LARP1: variants seen among roughly 807,000 people sequenced by gnomAD.
The protein encoded by LARP1 is La ribonucleoprotein 1, translational regulator, also known as la-related protein 1.
In LARP1, 36 loss-of-function variants were observed where a neutral mutation model predicts 122.7. The observed-to-expected ratio is 0.29, with a 90% confidence interval of 0.22 to 0.39. LARP1 has a LOEUF of 0.39. Among genes scored for constraint, LARP1 ranks in the 10% least tolerant of loss-of-function variants. LARP1 has a pLI of 1.00. For synonymous variants in LARP1, 539 were observed against 528.7 expected, an observed-to-expected ratio of 1.02 and a Z score of -0.27; for missense variants, 1,040 against 1,403.6, an observed-to-expected ratio of 0.74 and a Z score of 4.14.
chr5:154,795,035 C>T (rs1757636683), intron 7 of LARP1, 140 bp from the exon 8 acceptor site: 1 of 775,174 alleles, frequency 1.3e-6, no homozygotes. Context: ...CAGCCCTCAA[C>T]ACTGTTGGTA....
At chr5:154,813,838 G>A (rs903036982) in intron 18 of LARP1, 49 bp from the exon 19 acceptor site, 2 of 1,517,228 alleles carry the variant, frequency 1.3e-6, no homozygotes, top group Non-Finnish European at 9.1e-7. Flanking sequence ...GCAAGGAAGA[G>A]GGCGTAGATA....
chr5:154,697,014 T>TA (rs1754497567), intron 1 of LARP1, among the ~76,000 whole-genome samples: 1 of 152,160 alleles, frequency 6.6e-6, no homozygotes, highest in African/African-American at 2.4e-5. Context: ...AGCAATCTGA[T>TA]ACGCATTTGT....
chr5:154,745,870 A>T (rs1471671931), intron 1 of LARP1, among the ~76,000 whole-genome samples: 1 of 150,470 alleles, frequency 6.6e-6, no homozygotes, highest in Non-Finnish European at 1.5e-5. Context: ...ATTTCAGATC[A>T]CTGCAACCTC....
rs147643833 is a variant in LARP1 at position 154,799,165 on chromosome 5, A to G, written c.1378-426A>G. Among the ~76,000 whole-genome samples the G allele has an allele frequency of 3.2e-3, 484 of 152,336 alleles. 2 individuals carry two copies. The highest frequency in any genetic ancestry group is 0.011 in the African/African-American group (456 of 41,580). On this transcript the variant is annotated intron_variant, in intron 8 of 18. Coordinates refer to ENST00000518297, the MANE Select transcript of LARP1 (RefSeq NM_033551.3). ...ACGTGAGCCACCAGGCCCGACCTGT[A>G]AAGTTTTTTAATGTCTGAGTAGTGT...
intron 9 of LARP1, 27 bp downstream of exon 9, chr5:154,799,786 C>T (rs1406329462): frequency 6.2e-7 from 1 of 1,613,194 alleles, no homozygotes; most frequent in East Asian, 2.2e-5. Flanking sequence ...ATGAAGATTG[C>T]CCTTGTCCTC....
intron 1 of LARP1, chr5:154,729,703 T>A (rs1233076): frequency 0.98 from 295,345 of 301,870 alleles, 144,504 homozygotes; most frequent in South Asian, 0.99. Flanking sequence ...AATAGGTATT[T>A]AAAAAATACC....
rs1306463485 is a variant in LARP1, at chr5:154,793,691, G to A, written c.836G>A (p.Arg279Lys). The A allele has an allele frequency of 1.2e-6, 2 of 1,614,152 alleles. No individual in the cohort carries two copies. Among genetic ancestry groups the A allele is most frequent in the Non-Finnish European group, 1.7e-6 (2 of 1,179,992 alleles). ...ASRPTRPPEP[R>K]HIPANRGEIK... ...CGCCCCACTCGCCCACCGGAGCCTA[G>A]ACACATACCTGCCAATCGCGGAGAG... Residue 279 changes from arginine (R) to lysine (K), a missense_variant, in exon 5 of 19, where the codon AGA (arginine) becomes AAA (lysine). This residue lies in a region of LARP1 where 178 missense variants were observed against 178.3 expected (regional missense o/e 1.00). Transcript: ENST00000518297.
chr5:154,700,123 T>G (rs548038365), intron 1 of LARP1, among the ~76,000 whole-genome samples: 7 of 152,254 alleles, frequency 4.6e-5, no homozygotes, highest in African/African-American at 1.2e-4. Flanking sequence ...GGCACAAAAT[T>G]TTGACAGGTG....
intron 1 of LARP1, among the ~76,000 whole-genome samples, chr5:154,701,128 G>A (rs1754692338): frequency 6.6e-6 from 1 of 152,156 alleles, no homozygotes; most frequent in East Asian, 1.9e-4. Context: ...GTTTTCTTTT[G>A]TTTTTTGTTT....
At chr5:154,792,831 G>T (rs1166630991) in intron 4 of LARP1, 35 bp downstream of exon 4, 5 of 1,605,120 alleles carry the variant, frequency 3.1e-6, no homozygotes, top group Non-Finnish European at 4.3e-6. Context: ...GGAGAAGGTG[G>T]CAGGGTAGAA....
intron 1 of LARP1, among the ~76,000 whole-genome samples, chr5:154,748,197 A>G (rs568230379): frequency 1.1e-3 from 168 of 152,282 alleles, no homozygotes; most frequent in African/African-American, 3.8e-3. Context: ...TATCATTTTC[A>G]AAAGATGTAT....
At position 154,743,203 on chromosome 5, in the gene LARP1, C is replaced by T. The variant is rs907494600; in HGVS notation, c.205+30073C>T. 7.9e-5 allele frequency among the ~76,000 whole-genome samples: 12 copies of T among 152,246 alleles called. No homozygotes were observed. The South Asian group carries it at 1.0e-3, about 13-fold the overall frequency. Reference sequence around the variant, plus strand: ...AAGTCCCACCCTTAGCAAAAAAATCCGCTATCCACAGCCCCTGGTTCATAA... The same window carrying T: ...AAGTCCCACCCTTAGCAAAAAAATCTGCTATCCACAGCCCCTGGTTCATAA... On this transcript the variant is annotated intron_variant, in intron 1 of 18. Coordinates refer to the LARP1 transcript ENST00000336314.
chr5:154,731,170 A>G (rs767628977), intron 1 of LARP1, among the ~76,000 whole-genome samples: 2 of 152,302 alleles, frequency 1.3e-5, no homozygotes, highest in South Asian at 4.1e-4. Flanking sequence ...TATGCCTATC[A>G]ATCATAACCG....
upstream of LARP1, among the ~76,000 whole-genome samples, chr5:154,710,658 G>A (rs543225901): frequency 4.0e-5 from 6 of 148,786 alleles, no homozygotes; most frequent in East Asian, 4.0e-4. Context: ...CAGGAGAATC[G>A]CTTGAACTCA....
rs1582294665 is a variant in LARP1 at position 154,755,728 on chromosome 5, C to T, written c.-30C>T. The T allele has an allele frequency of 3.0e-6, 3 of 987,572 alleles. No individual in the cohort carries two copies. In the East Asian group the frequency reaches 3.4e-4, roughly 113 times the overall value. The allele number at this position is 987,572 out of a possible 1,614,324, so 61.2% of individuals were successfully genotyped here. A position where few individuals can be genotyped will look rare whatever the true frequency, so the allele number is the denominator to read the frequency against. On this transcript the variant is annotated 5_prime_UTR_variant, in exon 1 of 19. Transcript: ENST00000518297. Reference sequence around the variant, plus strand: ...GGCGGGGGAGGCAGCCTCGGGCGCGCCCGGCTTCTCCGGGGGGGCGGGCGC... The same window carrying T: ...GGCGGGGGAGGCAGCCTCGGGCGCGTCCGGCTTCTCCGGGGGGGCGGGCGC...
chr5:154,807,444 A>G (rs976926289), intron 15 of LARP1, among the ~76,000 whole-genome samples: 2 of 152,176 alleles, frequency 1.3e-5, no homozygotes, highest in African/African-American at 4.8e-5. Context: ...TTTTATATTG[A>G]AATATAAAAT....
At chr5:154,709,366 C>G (rs1246821834), upstream of LARP1, among the ~76,000 whole-genome samples, 1 of 152,156 alleles carries the variant, frequency 6.6e-6, no homozygotes, top group Non-Finnish European at 1.5e-5. Context: ...GGTGCTTGGC[C>G]TCCATGTGGT....
At chr5:154,784,394 T>C (rs1001318338) in intron 1 of LARP1, among the ~76,000 whole-genome samples, 1 of 152,186 alleles carries the variant, frequency 6.6e-6, no homozygotes, top group Non-Finnish European at 1.5e-5. Flanking sequence ...GCCAAGTGTA[T>C]GGTAGCAGAT....
At chr5:154,754,255 T>G (rs1234317814), upstream of LARP1, among the ~76,000 whole-genome samples, 1 of 152,250 alleles carries the variant, frequency 6.6e-6, no homozygotes, top group Non-Finnish European at 1.5e-5. Flanking sequence ...GATAGGGACT[T>G]TGTTAGCCTA....
Sources: gnomAD v4.1 joint callset for allele counts (sites outside exome capture counted in the v4.1 genomes callset) on GRCh38, gnomAD v4.1.1 for gene constraint, gnomAD v4.1.1 regional missense constraint, MANE v1.5 for transcripts, NCBI Gene and HGNC (gene_info 2026-07-23, HGNC 2026-07-21) for gene names.